Variants in PTPRD observed in about 807,000 individuals in gnomAD.
PTPRD encodes the protein receptor-type tyrosine-protein phosphatase delta.
A neutral mutation model predicts 214.5 loss-of-function variants in PTPRD; 34 were observed. That is an observed-to-expected ratio of 0.16 (90% CI 0.12 to 0.21). The LOEUF (loss-of-function observed/expected upper bound fraction) is 0.21. PTPRD is among the 10% of genes least tolerant of loss of function. The probability of loss-of-function intolerance (pLI) is 1.00; values close to 1 mark genes in which losing one functional copy is unlikely to be tolerated. For missense variants in PTPRD, 2,545 were observed against 2,398.7 expected, an observed-to-expected ratio of 1.06 and a Z score of -1.27; for synonymous variants, 1,128 against 845.7, an observed-to-expected ratio of 1.33 and a Z score of -5.79.
chr9:10,579,767 T>C (rs975827935), intron 2 of PTPRD, among the ~76,000 whole-genome samples: 1 of 152,192 alleles, frequency 6.6e-6, no homozygotes, highest in African/African-American at 2.4e-5. Flanking sequence ...ACCTCACCAA[T>C]ATCTAATATT....
chr9:8,782,644 C>T (rs1387359967), intron 11 of PTPRD, among the ~76,000 whole-genome samples: 2 of 145,026 alleles, frequency 1.4e-5, no homozygotes, highest in African/African-American at 5.2e-5. Context: ...GTTGCCCAGG[C>T]TGAAGTGCAG....
At chr9:9,140,628 G>C (rs958405395) in intron 10 of PTPRD, among the ~76,000 whole-genome samples, 2 of 152,184 alleles carry the variant, frequency 1.3e-5, no homozygotes, top group African/African-American at 4.8e-5. Context: ...GCCCAGGCTG[G>C]AGTGCAGAGG....
At chr9:9,475,268 A>G (rs1164634858) in intron 8 of PTPRD, among the ~76,000 whole-genome samples, 2 of 152,212 alleles carry the variant, frequency 1.3e-5, no homozygotes, top group African/African-American at 4.8e-5. Flanking sequence ...TTTAACAAGC[A>G]TATGACATGT....
intron 23 of PTPRD, among the ~76,000 whole-genome samples, 153 bp from the exon 24 acceptor site, chr9:8,501,212 A>T (rs2097398254): frequency 6.6e-6 from 1 of 152,238 alleles, no homozygotes; most frequent in South Asian, 2.1e-4. Context: ...TCTAATGACA[A>T]ATTATGTACC....
chr9:10,150,628 T>C (rs890101932), intron 3 of PTPRD, among the ~76,000 whole-genome samples: 2 of 150,550 alleles, frequency 1.3e-5, no homozygotes, highest in African/African-American at 4.9e-5. Flanking sequence ...CTGTAAGTTG[T>C]GCACATGTAC....
chr9:10,503,117 T>C (rs2044337981), intron 2 of PTPRD, among the ~76,000 whole-genome samples: 1 of 145,636 alleles, frequency 6.9e-6, no homozygotes, highest in African/African-American at 2.5e-5. Flanking sequence ...CTCCAATGTA[T>C]GATGATTTAC....
At chr9:10,142,734 G>A (rs371832418) in intron 3 of PTPRD, among the ~76,000 whole-genome samples, 30 of 148,760 alleles carry the variant, frequency 2.0e-4, no homozygotes, top group South Asian at 4.4e-4. Flanking sequence ...TCAGGGATCT[G>A]GAACTAGAAA....
intron 11 of PTPRD, among the ~76,000 whole-genome samples, chr9:8,934,402 TG>T (rs374224175): frequency 0.27 from 15,720 of 57,764 alleles, 2,578 homozygotes; most frequent in Middle Eastern, 0.38. Flanking sequence ...TATGTGTGTG[TG>T]TGTGTGTGTG....
chr9:9,346,985 G>A (rs906670395), intron 9 of PTPRD, among the ~76,000 whole-genome samples: 9 of 151,966 alleles, frequency 5.9e-5, no homozygotes, highest in African/African-American at 1.9e-4. Flanking sequence ...GAGCCATTGT[G>A]CCTGGCCAAT....
chr9:10,588,361 A>T (rs1306793381), intron 2 of PTPRD, among the ~76,000 whole-genome samples: 1 of 151,630 alleles, frequency 6.6e-6, no homozygotes, highest in African/African-American at 2.4e-5. Flanking sequence ...ACTATCTTAC[A>T]AACTCTGTTC....
intron 8 of PTPRD, among the ~76,000 whole-genome samples, chr9:9,447,380 G>C (rs1238524514): frequency 6.6e-6 from 1 of 152,112 alleles, no homozygotes; most frequent in Non-Finnish European, 1.5e-5. Flanking sequence ...GGATGGAGCT[G>C]GAGGCCATTA....
chr9:10,475,935 C>G (rs1352737152), intron 2 of PTPRD, among the ~76,000 whole-genome samples: 1 of 151,922 alleles, frequency 6.6e-6, no homozygotes, highest in Non-Finnish European at 1.5e-5. Flanking sequence ...TTCAACATCC[C>G]TTCATGCTAA....
intron 9 of PTPRD, among the ~76,000 whole-genome samples, chr9:9,205,407 T>C (rs2099944224): frequency 6.6e-6 from 1 of 152,282 alleles, no homozygotes; most frequent in East Asian, 1.9e-4. Context: ...ATCATGTATA[T>C]CTAATTATAA....
intron 2 of PTPRD, among the ~76,000 whole-genome samples, chr9:10,570,881 C>CTT (rs113757928): frequency 3.6e-5 from 5 of 140,832 alleles, no homozygotes; most frequent in Non-Finnish European, 6.2e-5. Flanking sequence ...GGTGAGTCTT[C>CTT]TTTTTTTTTT....
intron 2 of PTPRD, among the ~76,000 whole-genome samples, chr9:10,544,747 C>T (rs1263766216): frequency 6.6e-6 from 1 of 152,156 alleles, no homozygotes; most frequent in Non-Finnish European, 1.5e-5. Flanking sequence ...ACAAATGCAG[C>T]TTGAAAATAG....
intron 10 of PTPRD, among the ~76,000 whole-genome samples, chr9:9,090,139 T>A (rs886932420): frequency 2.0e-5 from 3 of 152,204 alleles, no homozygotes; most frequent in Non-Finnish European, 4.4e-5. Flanking sequence ...GTCACCTTAC[T>A]GTGCTATTGA....
chr9:9,722,558 T>C (rs1240219232), intron 7 of PTPRD, among the ~76,000 whole-genome samples: 1 of 152,072 alleles, frequency 6.6e-6, no homozygotes, highest in Non-Finnish European at 1.5e-5. Context: ...TAGACATATA[T>C]TTTCATTTTT....
intron 12 of PTPRD, among the ~76,000 whole-genome samples, chr9:8,702,259 T>TAAA (rs111931990): frequency 4.2e-5 from 6 of 144,470 alleles, no homozygotes; most frequent in African/African-American, 1.5e-4. Context: ...GTGTGTAAAG[T>TAAA]AAAAAAAAAA....
chr9:8,940,024 T>C (rs1486663903), intron 11 of PTPRD, among the ~76,000 whole-genome samples: 2 of 151,182 alleles, frequency 1.3e-5, no homozygotes, highest in Non-Finnish European at 2.9e-5. Flanking sequence ...TATTATCATT[T>C]TAATTGTAGA....
Sources: allele counts gnomAD v4.1 joint callset (sites outside exome capture counted in the v4.1 genomes callset), GRCh38; gene constraint gnomAD v4.1.1; transcripts MANE v1.5; gene names NCBI Gene and HGNC (gene_info 2026-07-23, HGNC 2026-07-21).